Variants in KALRN observed in about 807,000 individuals in gnomAD.
KALRN encodes the protein kalirin RhoGEF kinase.
KALRN carries 70 observed loss-of-function variants against 353.7 expected under a neutral mutation model. That is an observed-to-expected ratio of 0.20 (90% CI 0.16 to 0.24). The LOEUF (loss-of-function observed/expected upper bound fraction) is 0.24, where lower values mean the gene tolerates loss of function less well. Ranked by LOEUF, KALRN falls within the 10% of genes least tolerant of loss-of-function variation. The pLI is 1.00. For synonymous variants in KALRN, 1,391 were observed against 1,434.8 expected (o/e 0.97, Z 0.69); for missense variants, 2,791 against 3,756.7 (o/e 0.74, Z 6.72).
intron 34 of KALRN, among the ~76,000 whole-genome samples, chr3:124,613,527 G>T (rs2078237508): frequency 6.6e-6 from 1 of 152,172 alleles, no homozygotes; most frequent in Admixed American, 6.5e-5. Context: ...GGAGTTTCTG[G>T]TCCCAATTAT....
intron 1 of KALRN, among the ~76,000 whole-genome samples, chr3:124,046,267 C>A (rs762551886): frequency 1.3e-5 from 2 of 152,048 alleles, no homozygotes; most frequent in Non-Finnish European, 2.9e-5. Flanking sequence ...AGTGGGGTAC[C>A]AGGGTGGGTA....
chr3:124,276,894 C>G (rs563976792), intron 5 of KALRN, among the ~76,000 whole-genome samples: 1 of 152,300 alleles, frequency 6.6e-6, no homozygotes, highest in African/African-American at 2.4e-5. Flanking sequence ...GGATAGAGTC[C>G]TCTGCTTTGA....
At chr3:124,051,843 C>G (rs2041073885) in intron 1 of KALRN, among the ~76,000 whole-genome samples, 1 of 152,134 alleles carries the variant, frequency 6.6e-6, no homozygotes, top group Non-Finnish European at 1.5e-5. Flanking sequence ...AATAACACAA[C>G]AGGTAAGTGG....
At chr3:124,128,323 C>G (rs184536090) in intron 1 of KALRN, among the ~76,000 whole-genome samples, 1 of 152,272 alleles carries the variant, frequency 6.6e-6, no homozygotes, top group African/African-American at 2.4e-5. Flanking sequence ...GCTTGTTTGT[C>G]TGGTGGCCAT....
chr3:124,453,323 C>T (rs1157358799), intron 21 of KALRN, among the ~76,000 whole-genome samples: 3 of 152,210 alleles, frequency 2.0e-5, no homozygotes, highest in African/African-American at 4.8e-5. Context: ...GCCTACTGTC[C>T]TGAGATAGGA....
intron 1 of KALRN, among the ~76,000 whole-genome samples, chr3:124,220,596 C>G (rs1035755377): frequency 6.6e-6 from 1 of 152,178 alleles, no homozygotes; most frequent in Non-Finnish European, 1.5e-5. Flanking sequence ...TCCAGTTTGA[C>G]TAACAGTGTC....
intron 10 of KALRN, among the ~76,000 whole-genome samples, chr3:124,381,892 G>A (rs954401214): frequency 5.9e-5 from 9 of 152,126 alleles, no homozygotes; most frequent in East Asian, 1.9e-4. Context: ...CTGTGGGGTG[G>A]GCTAAATATA....
At chr3:124,463,064 C>A (rs1026345198) in intron 25 of KALRN, among the ~76,000 whole-genome samples, 1 of 152,096 alleles carries the variant, frequency 6.6e-6, no homozygotes, top group African/African-American at 2.4e-5. Context: ...TTTCACATTT[C>A]TTGACAGTTT....
intron 10 of KALRN, among the ~76,000 whole-genome samples, chr3:124,358,592 A>AT (rs1442395682): frequency 1.3e-5 from 2 of 152,074 alleles, no homozygotes; most frequent in African/African-American, 2.4e-5. Context: ...ACTGGTTGCC[A>AT]TTTTTTTCCT....
chr3:124,051,498 T>C (rs2041043182), intron 1 of KALRN, among the ~76,000 whole-genome samples: 1 of 152,218 alleles, frequency 6.6e-6, no homozygotes, highest in African/African-American at 2.4e-5. Flanking sequence ...GAACATATGT[T>C]TTATAGCAAG....
chr3:124,446,408 C>G, intron 20 of KALRN, 132 bp downstream of exon 20: 1 of 659,956 alleles, frequency 1.5e-6, no homozygotes. Context: ...AGAAAGAAAG[C>G]AGGTTGTCAC....
At chr3:124,183,672 A>G (rs986520082) in intron 1 of KALRN, among the ~76,000 whole-genome samples, 4 of 152,196 alleles carry the variant, frequency 2.6e-5, no homozygotes, top group African/African-American at 9.7e-5. Context: ...GAGGAGCATC[A>G]GAGGAAGCCA....
chr3:124,632,885 G>A (rs1322239433), intron 35 of KALRN, among the ~76,000 whole-genome samples, 182 bp downstream of exon 35: 1 of 152,186 alleles, frequency 6.6e-6, no homozygotes, highest in Non-Finnish European at 1.5e-5. Context: ...TTCAGAAGCT[G>A]ACTAGCCCCT....
intron 57 of KALRN, among the ~76,000 whole-genome samples, chr3:124,712,472 T>G (rs918472513): frequency 6.6e-6 from 1 of 151,962 alleles, no homozygotes; most frequent in Non-Finnish European, 1.5e-5. Flanking sequence ...ATGGTTAAAA[T>G]GGCAGAGAAA....
intron 5 of KALRN, among the ~76,000 whole-genome samples, chr3:124,269,641 A>G (rs899163082): frequency 1.3e-5 from 2 of 152,218 alleles, no homozygotes; most frequent in Non-Finnish European, 2.9e-5. Context: ...TGAGTGGCTC[A>G]AGCCAGCTAA....
rs191542792 is a variant in KALRN at position 124,575,679 on chromosome 3, C to G, written c.5182+12590C>G. Among the ~76,000 whole-genome samples, 29 of 152,272 alleles carry G rather than the reference C, an allele frequency of 1.9e-4. No homozygotes were observed. In the East Asian group the frequency reaches 3.3e-3, roughly 17 times the overall value. ...AGGGAAAAGCTATTTCTTGCCTCTTCCAGCTTCCAGAGACCACCACACTTT... is the reference window on the plus strand; with the variant it reads ...AGGGAAAAGCTATTTCTTGCCTCTTGCAGCTTCCAGAGACCACCACACTTT... On this transcript the variant is annotated intron_variant, in intron 34 of 59. Coordinates refer to ENST00000682506, the MANE Select transcript of KALRN (RefSeq NM_001388419.1).
In KALRN at chr3:124,725,624, C is replaced by G. The variant is rs181557345; in HGVS notation, c.*6154C>G. On this transcript the variant is annotated 3_prime_UTR_variant, in exon 60 of 60. Coordinates refer to ENST00000682506, the MANE Select transcript of KALRN (RefSeq NM_001388419.1). Reference sequence around the variant, plus strand: ...AACCATTAGGGCTAATTTGTGGAGACGAATTCTACTCATTCTGGAATTAAT... The same window carrying G: ...AACCATTAGGGCTAATTTGTGGAGAGGAATTCTACTCATTCTGGAATTAAT... 15 of 152,272 alleles carry G rather than the reference C, an allele frequency of 9.9e-5. No individual in the cohort carries two copies. The East Asian group carries it at 2.7e-3, about 27-fold the overall frequency. The allele number at this position is 152,272 out of a possible 1,614,324, so 9.4% of individuals were successfully genotyped here. A position where few individuals can be genotyped will look rare whatever the true frequency, so the allele number is the denominator to read the frequency against.
intron 55 of KALRN, 27 bp from the exon 56 acceptor site, chr3:124,699,842 T>C (rs2062234963): frequency 6.2e-7 from 1 of 1,612,558 alleles, no homozygotes; most frequent in East Asian, 2.2e-5. Context: ...CTTTTCTCTT[T>C]CCCTCTCCTG....
intron 1 of KALRN, among the ~76,000 whole-genome samples, chr3:124,134,126 AACTAT>A (rs1358328412): frequency 1.3e-5 from 2 of 152,226 alleles, no homozygotes; most frequent in Non-Finnish European, 2.9e-5. Context: ...CCTGATTTCA[AACTAT>A]ACTATAAGGC....
Sources: allele counts gnomAD v4.1 joint callset (sites outside exome capture counted in the v4.1 genomes callset), GRCh38; gene constraint gnomAD v4.1.1; transcripts MANE v1.5; gene names NCBI Gene and HGNC (gene_info 2026-07-23, HGNC 2026-07-21).